The following SCEL variants were observed in gnomAD, a reference collection of about 807,000 sequenced individuals.
The protein encoded by SCEL is sciellin.
SCEL carries 113 observed loss-of-function variants against 117.6 expected under a neutral mutation model. The ratio of observed to expected loss-of-function variants is 0.96; its 90% CI spans 0.83 to 1.12. SCEL has a LOEUF of 1.12. Ranked by LOEUF, SCEL falls within the 50% of genes most tolerant of loss-of-function variation. The pLI is 0.00. For missense variants in SCEL, 785 were observed against 810.8 expected (o/e 0.97, Z 0.39); for synonymous variants, 270 against 256.2 (o/e 1.05, Z -0.51).
At chr13:77,571,549 C>T (rs1350172298) in intron 8 of SCEL, among the ~76,000 whole-genome samples, 2 of 151,440 alleles carry the variant, frequency 1.3e-5, no homozygotes, top group Non-Finnish European at 2.9e-5. Context: ...ATTAGCTGGG[C>T]GTGGTGGTGC....
intron 27 of SCEL, among the ~76,000 whole-genome samples, chr13:77,623,064 A>C (rs904631497): frequency 2.0e-5 from 3 of 152,238 alleles, no homozygotes; most frequent in Non-Finnish European, 2.9e-5. Flanking sequence ...TTAACCCTGC[A>C]GCATTTGGCT....
In SCEL at chr13:77,560,333, G is replaced by C. The variant is rs111482968; in HGVS notation, c.221+470G>C. Among the ~76,000 whole-genome samples the C allele has an allele frequency of 5.4e-3, 813 of 151,960 alleles. 9 individuals are homozygous for C. The highest frequency in any genetic ancestry group is 0.019 in the African/African-American group (774 of 41,398). On this transcript the variant is annotated intron_variant, in intron 4 of 32. Transcript: ENST00000349847. ...CGCACCTGTCGTCCCAGCTACTCCA[G>C]GGGCTGAGGTGGAAGAATTGCCTGA... is the stretch of plus-strand genomic sequence containing the variant.
intron 1 of SCEL, among the ~76,000 whole-genome samples, chr13:77,547,415 A>T (rs929912403): frequency 2.0e-5 from 3 of 152,210 alleles, no homozygotes; most frequent in Non-Finnish European, 4.4e-5. Context: ...ATTTTCAGTA[A>T]TTTACTGGTT....
intron 10 of SCEL, among the ~76,000 whole-genome samples, chr13:77,591,164 G>C (rs111573244): frequency 3.3e-5 from 5 of 152,220 alleles, no homozygotes; most frequent in African/African-American, 9.6e-5. Flanking sequence ...GAACTTATAA[G>C]TCTAGATAGA....
intron 19 of SCEL, among the ~76,000 whole-genome samples, chr13:77,605,004 GA>G (rs1252562957): frequency 1.3e-5 from 2 of 152,076 alleles, no homozygotes; most frequent in African/African-American, 4.8e-5. Context: ...ATTTAAAGAT[GA>G]AGAGCTTAAC....
chr13:77,599,840 C>G, intron 15 of SCEL, 92 bp downstream of exon 15: 2 of 900,070 alleles, frequency 2.2e-6, no homozygotes, highest in South Asian at 2.7e-5. Flanking sequence ...AAGGGTCAGG[C>G]AGGCTGGTGG....
At chr13:77,641,211 G>A (rs1312618914) in intron 31 of SCEL, among the ~76,000 whole-genome samples, 1 of 152,194 alleles carries the variant, frequency 6.6e-6, no homozygotes, top group African/African-American at 2.4e-5. Context: ...ATAGGTGAAC[G>A]TCAGTCTGCT....
chr13:77,610,689 C>T (rs144784196), intron 22 of SCEL, among the ~76,000 whole-genome samples: 1 of 152,164 alleles, frequency 6.6e-6, no homozygotes, highest in South Asian at 2.1e-4. Flanking sequence ...GACAAAACAT[C>T]ACCCCAAACA....
intron 8 of SCEL, among the ~76,000 whole-genome samples, chr13:77,571,478 C>T (rs1402031249): frequency 2.0e-5 from 3 of 151,768 alleles, no homozygotes; most frequent in Non-Finnish European, 4.4e-5. Flanking sequence ...CACCTGAGGT[C>T]GGGAGTTCGA....
chr13:77,582,794 G>A (rs1209062002), intron 9 of SCEL, among the ~76,000 whole-genome samples: 5 of 151,996 alleles, frequency 3.3e-5, no homozygotes, highest in African/African-American at 9.7e-5. Flanking sequence ...AGAACTCTTT[G>A]CTTAACTAAT....
In SCEL at chr13:77,614,588, G is replaced by A. The variant is rs899833859; in HGVS notation, c.1451+633G>A. On this transcript the variant is annotated intron_variant, in intron 24 of 32. Coordinates refer to ENST00000349847, the MANE Select transcript of SCEL (RefSeq NM_144777.3). ...AAATATATCTTAAGAATGGTTTTAC[G>A]ATTTCCCCTTTTAAGTTTTGTTGGT... 1.6e-4 allele frequency among the ~76,000 whole-genome samples: 25 copies of A among 152,008 alleles called. 1 individual carries two copies. Among genetic ancestry groups the A allele is most frequent in the Admixed American group, 1.3e-4 (2 of 15,238 alleles).
Position 77,559,857 on chromosome 13 carries a change from T to C in SCEL, c.215T>C (p.Leu72Ser). The C allele has an allele frequency of 6.2e-7, 1 of 1,612,104 alleles. No homozygotes were observed. Residue 72 changes from leucine (L) to serine (S), a missense_variant, in exon 4 of 33, where the codon TTG (leucine) becomes TCG (serine). Coordinates refer to ENST00000349847, the MANE Select transcript of SCEL (RefSeq NM_144777.3). ...AACCGACATAATTCCCATGATGCAT[T>C]GGACAGGTGGGTGTTTAGACATGTT... is the stretch of plus-strand genomic sequence containing the variant. ...VLNRHNSHDALDRKVNERDVP... is the reference protein window; with the variant it reads ...VLNRHNSHDASDRKVNERDVP...
At chr13:77,576,720 C>G (rs1264495760) in intron 9 of SCEL, among the ~76,000 whole-genome samples, 1 of 152,222 alleles carries the variant, frequency 6.6e-6, no homozygotes, top group African/African-American at 2.4e-5. Context: ...CTCTAAATTA[C>G]TTTGGGCAGT....
In SCEL at chr13:77,627,934, T is replaced by A; in HGVS notation, c.1629-13T>A. On this transcript the variant is annotated splice_polypyrimidine_tract_variant and intron_variant, in intron 27 of 32. Transcript: ENST00000349847. ...TGTTGTAATTATTCATATATATATA[T>A]TTTTTTCCTTAGAGACCAGAACCTG... The A allele has an allele frequency of 8.2e-7, 1 of 1,223,988 alleles. No individual in the cohort carries two copies. The allele number at this position is 1,223,988 out of a possible 1,614,324, so 75.8% of individuals were successfully genotyped here.
chr13:77,638,593 G>C (rs1193552580), intron 30 of SCEL, among the ~76,000 whole-genome samples: 2 of 152,174 alleles, frequency 1.3e-5, no homozygotes, highest in African/African-American at 4.8e-5. Flanking sequence ...CATCAGCGCA[G>C]AAGTCAGTTC....
Position 77,644,282 on chromosome 13 carries a change from A to G in SCEL, c.*8A>G. ...GCAAAGTGGATTCCATAACTCTGGC[A>G]CAAGGAAATCAAGATGAAAAGCACT... On this transcript the variant is annotated 3_prime_UTR_variant, in exon 33 of 33. Coordinates refer to ENST00000349847, the MANE Select transcript of SCEL (RefSeq NM_144777.3). 2 of 1,613,116 alleles carry G rather than the reference A, an allele frequency of 1.2e-6. No homozygotes were observed. The highest frequency in any genetic ancestry group is 1.1e-5 in the South Asian group (1 of 90,980).
chr13:77,614,006 A>G (rs769277361), intron 24 of SCEL, 51 bp downstream of exon 24: 1 of 1,347,720 alleles, frequency 7.4e-7, no homozygotes, highest in Non-Finnish European at 1.1e-6. Flanking sequence ...TAAACCCAAA[A>G]TTAATAGAAA....
chr13:77,600,376 A>G (rs1217403193), intron 15 of SCEL, among the ~76,000 whole-genome samples: 1 of 151,786 alleles, frequency 6.6e-6, no homozygotes, highest in South Asian at 2.1e-4. Flanking sequence ...TGATCTGCCC[A>G]CCTAGGCCTT....
At chr13:77,604,291 C>A in intron 18 of SCEL, 65 bp from the exon 19 acceptor site, 6 of 980,586 alleles carry the variant, frequency 6.1e-6, no homozygotes, top group South Asian at 3.4e-5. Flanking sequence ...TTTTTCCAGC[C>A]ATTATTCATC....
Sources: allele counts gnomAD v4.1 joint callset (sites outside exome capture counted in the v4.1 genomes callset), GRCh38; gene constraint gnomAD v4.1.1; transcripts MANE v1.5; gene names NCBI Gene and HGNC (gene_info 2026-07-23, HGNC 2026-07-21).